Variants in WDR17 observed in about 807,000 individuals in gnomAD.
The protein encoded by WDR17 is WD repeat-containing protein 17.
In WDR17, 143 loss-of-function variants were observed where a neutral mutation model predicts 161.7. The observed-to-expected ratio is 0.88, with a 90% CI of 0.77 to 1.02. The LOEUF (loss-of-function observed/expected upper bound fraction) is 1.02, where lower values mean the gene tolerates loss of function less well. Ranked by LOEUF, WDR17 falls within the 50% of genes least tolerant of loss-of-function variation. The pLI is 0.00. For missense variants in WDR17, 1,469 were observed against 1,520.9 expected, an observed-to-expected ratio of 0.97 and a Z score of 0.57; for synonymous variants, 517 against 515.6, an observed-to-expected ratio of 1.00 and a Z score of -0.04.
At chr4:176,155,643 C>CA (rs1469150812) in intron 17 of WDR17, among the ~76,000 whole-genome samples, 1 of 143,102 alleles carries the variant, frequency 7.0e-6, no homozygotes, top group African/African-American at 2.5e-5. Flanking sequence ...CCCCTGGGCT[C>CA]AAACGATCCT....
intron 1 of WDR17, among the ~76,000 whole-genome samples, chr4:176,085,244 AC>A (rs1361543357): frequency 3.3e-5 from 5 of 152,064 alleles, no homozygotes; most frequent in Admixed American, 3.3e-4. Context: ...ATGTATCTTT[AC>A]TTTTTTGTTT....
At chr4:176,161,479 G>A (rs1749024699) in intron 20 of WDR17, among the ~76,000 whole-genome samples, 1 of 152,074 alleles carries the variant, frequency 6.6e-6, no homozygotes, top group Non-Finnish European at 1.5e-5. Context: ...AAATGGAAAT[G>A]AGAATTTTTC....
At chr4:176,151,659 A>G (rs1309238349) in intron 16 of WDR17, among the ~76,000 whole-genome samples, 153 bp from the exon 17 acceptor site, 1 of 152,238 alleles carries the variant, frequency 6.6e-6, no homozygotes, top group African/African-American at 2.4e-5. Context: ...TAATTGGGGT[A>G]TCCATCACCT....
chr4:176,168,801 A>T lies in WDR17; in HGVS notation c.3102+18A>T, dbSNP rs758767403. On this transcript the variant is annotated intron_variant, in intron 23 of 28. Transcript: ENST00000508596. ...ATGATAAGGTATGCTGATGATGTTA[A>T]ATATTCTGGTTTGGAATGCAGTGCT... 1.1e-5 allele frequency: 17 copies of T among 1,602,874 alleles called. No homozygotes were observed. In the Admixed American group the frequency reaches 2.9e-4, roughly 28 times the overall value.
chr4:176,140,022 G>C (rs758951005), intron 10 of WDR17, 48 bp downstream of exon 10: 16 of 1,452,248 alleles, frequency 1.1e-5, no homozygotes, highest in Middle Eastern at 1.8e-4. Context: ...TGTTTATAAA[G>C]CACTCATTTG....
intron 1 of WDR17, among the ~76,000 whole-genome samples, chr4:176,095,899 C>T (rs1400400579): frequency 6.6e-6 from 1 of 152,050 alleles, no homozygotes; most frequent in African/African-American, 2.4e-5. Flanking sequence ...ATGAGTAAAA[C>T]TAAAATTAAA....
intron 25 of WDR17, 57 bp downstream of exon 25, chr4:176,173,426 C>T (rs1751026722): frequency 2.5e-6 from 3 of 1,205,348 alleles, no homozygotes; most frequent in South Asian, 1.3e-5. Flanking sequence ...TTTAAAGTGG[C>T]TCCATTGTTT....
intron 1 of WDR17, among the ~76,000 whole-genome samples, chr4:176,067,226 C>G (rs1028653143): frequency 6.6e-6 from 1 of 152,134 alleles, no homozygotes; most frequent in Non-Finnish European, 1.5e-5. Flanking sequence ...GGTCTGAGAA[C>G]CTTTCCCCTC....
intron 1 of WDR17, among the ~76,000 whole-genome samples, chr4:176,099,642 C>T (rs983777631): frequency 6.6e-6 from 1 of 152,062 alleles, no homozygotes; most frequent in African/African-American, 2.4e-5. Flanking sequence ...TTGTTACATG[C>T]ATAGATTGCA....
At chr4:176,086,940 A>T (rs1227515926) in intron 1 of WDR17, among the ~76,000 whole-genome samples, 1 of 151,808 alleles carries the variant, frequency 6.6e-6, no homozygotes, top group African/African-American at 2.4e-5. Context: ...CGGCATGTAA[A>T]TTTGACTCAT....
chr4:176,070,773 G>T (rs1733131990), intron 1 of WDR17, among the ~76,000 whole-genome samples: 1 of 151,992 alleles, frequency 6.6e-6, no homozygotes, highest in South Asian at 2.1e-4. Context: ...CACCCAACTT[G>T]GCCTGCCAAA....
intron 1 of WDR17, among the ~76,000 whole-genome samples, chr4:176,104,635 T>C (rs1227352981): frequency 6.6e-6 from 1 of 152,058 alleles, no homozygotes; most frequent in Non-Finnish European, 1.5e-5. Context: ...AGGTTTTGTA[T>C]GTAATTGAAG....
Position 176,177,272 on chromosome 4 carries a change from T to C in WDR17, c.3548+116T>C. The C allele has an allele frequency of 3.8e-6, 4 of 1,050,098 alleles. No homozygotes were observed. The South Asian group carries it at 6.0e-5, about 16-fold the overall frequency. The allele number at this position is 1,050,098 out of a possible 1,614,324, so 65.0% of individuals were successfully genotyped here. On this transcript the variant is annotated intron_variant, in intron 27 of 28. Coordinates refer to ENST00000508596, the MANE Select transcript of WDR17 (RefSeq NM_181265.4). Reference sequence around the variant, plus strand: ...AGCAGAATAATGAATCTTGATTTGTTTGGCATATATGCAGTAATAATTTAC... The same window carrying C: ...AGCAGAATAATGAATCTTGATTTGTCTGGCATATATGCAGTAATAATTTAC...
At chr4:176,087,274 A>G (rs1405591115) in intron 1 of WDR17, among the ~76,000 whole-genome samples, 1 of 152,046 alleles carries the variant, frequency 6.6e-6, no homozygotes, top group African/African-American at 2.4e-5. Flanking sequence ...AAAACTTACA[A>G]TGAAAACGTT....
At chr4:176,144,834 T>C (rs1745906613) in intron 11 of WDR17, among the ~76,000 whole-genome samples, 1 of 152,092 alleles carries the variant, frequency 6.6e-6, no homozygotes, top group African/African-American at 2.4e-5. Context: ...TGTGCATTCT[T>C]TAAATCTTTA....
rs1740533184 is a variant in WDR17 at position 176,115,846 on chromosome 4, T to C, written c.174T>C (p.His58=). ...EFKLHAIMSE[H]KKTITAISWC... ...AACTTCACGCAATTATGTCTGAACA[T>C]AAAAAAACAATCACAGCAATTTCTT... The change falls in exon 3 of 29, where the codon CAT becomes CAC. Residue 58 remains histidine, a synonymous_variant. Coordinates refer to ENST00000508596, the MANE Select transcript of WDR17 (RefSeq NM_181265.4). 7.4e-6 allele frequency: 12 copies of C among 1,611,414 alleles called. No individual in the cohort carries two copies. The highest frequency in any genetic ancestry group is 1.0e-5 in the Non-Finnish European group (12 of 1,178,340).
chr4:176,150,383 C>A, intron 15 of WDR17, 85 bp from the exon 16 acceptor site: 1 of 1,503,530 alleles, frequency 6.7e-7, no homozygotes, highest in Non-Finnish European at 8.9e-7. Flanking sequence ...TTTAGATATG[C>A]CTGCATTATA....
intron 23 of WDR17, among the ~76,000 whole-genome samples, chr4:176,169,211 G>A (rs975626187): frequency 2.0e-5 from 3 of 152,044 alleles, no homozygotes; most frequent in Non-Finnish European, 4.4e-5. Flanking sequence ...ATCCTTAAAA[G>A]AATTAATGAA....
intron 22 of WDR17, among the ~76,000 whole-genome samples, chr4:176,167,572 A>AG (rs1749986888): frequency 8.3e-6 from 1 of 121,114 alleles, no homozygotes; most frequent in African/African-American, 3.1e-5. Flanking sequence ...CGTGAACCCC[A>AG]GGGGGCGGAG....
Sources: gnomAD v4.1 joint callset for allele counts (sites outside exome capture counted in the v4.1 genomes callset) on GRCh38, gnomAD v4.1.1 for gene constraint, MANE v1.5 for transcripts, NCBI Gene and HGNC (gene_info 2026-07-23, HGNC 2026-07-21) for gene names.